The following C1orf185 variants were observed in gnomAD, a reference collection of about 807,000 sequenced individuals.
C1orf185 encodes the protein chromosome 1 open reading frame 185, also known as uncharacterized protein C1orf185.
C1orf185 carries 13 observed loss-of-function variants against 16.1 expected under a neutral mutation model. That is an observed-to-expected ratio of 0.81 (90% CI 0.53 to 1.28). The LOEUF is 1.28. Ranked by LOEUF, C1orf185 falls within the 50% of genes most tolerant of loss-of-function variation. The pLI is 0.00. For missense variants in C1orf185, 220 were observed against 225.2 expected, an observed-to-expected ratio of 0.98 and a Z score of 0.15; for synonymous variants, 80 against 76.9, an observed-to-expected ratio of 1.04 and a Z score of -0.21.
intron 1 of C1orf185, among the ~76,000 whole-genome samples, chr1:51,109,819 T>C (rs1219019150): frequency 6.6e-6 from 1 of 152,222 alleles, no homozygotes; most frequent in Non-Finnish European, 1.5e-5. Context: ...TGAAGTCAGA[T>C]AGTGTGATAC....
At chr1:51,120,807 A>C (rs1435330453) in intron 3 of C1orf185, among the ~76,000 whole-genome samples, 1 of 152,184 alleles carries the variant, frequency 6.6e-6, no homozygotes, top group African/African-American at 2.4e-5. Flanking sequence ...TTATTCATTC[A>C]ACAAATATGT....
chr1:51,106,640 C>A (rs932239859), intron 1 of C1orf185, among the ~76,000 whole-genome samples: 1 of 151,898 alleles, frequency 6.6e-6, no homozygotes, highest in African/African-American at 2.4e-5. Context: ...CAGAGTCAGG[C>A]CTTGCCTCCA....
chr1:51,140,649 C>A (rs527802782), intron 3 of C1orf185, among the ~76,000 whole-genome samples: 2 of 152,200 alleles, frequency 1.3e-5, no homozygotes, highest in African/African-American at 4.8e-5. Flanking sequence ...AATGCAAATT[C>A]TTTGGTAGAC....
At chr1:51,148,873 G>A (rs188362103), downstream of C1orf185, among the ~76,000 whole-genome samples, 22 of 152,328 alleles carry the variant, frequency 1.4e-4, no homozygotes, top group Non-Finnish European at 2.6e-4. Flanking sequence ...GCTGCAATGA[G>A]TTGAGAATAT....
intron 1 of C1orf185, among the ~76,000 whole-genome samples, chr1:51,111,374 C>CTTTTTTTTTTTTTTTTTTTTT (rs11414730): frequency 3.7e-5 from 5 of 133,962 alleles, no homozygotes; most frequent in East Asian, 4.1e-4. Context: ...TTCTTTCTTT[C>CTTTTTTTTTTTTTTTTTTTTT]TTTTTTTTTT....
At chr1:51,118,253 C>A (rs1570298169) in intron 2 of C1orf185, among the ~76,000 whole-genome samples, 1 of 152,144 alleles carries the variant, frequency 6.6e-6, no homozygotes, top group East Asian at 1.9e-4. Flanking sequence ...GATTAAATAC[C>A]AAAATTGACC....
intron 3 of C1orf185, among the ~76,000 whole-genome samples, chr1:51,139,386 G>A (rs1249457541): frequency 5.3e-5 from 8 of 152,132 alleles, no homozygotes; most frequent in Non-Finnish European, 2.9e-5. Flanking sequence ...TTACAGACAT[G>A]AGTTACTGCA....
chr1:51,137,151 G>GA (rs1184300543), intron 3 of C1orf185, among the ~76,000 whole-genome samples: 2 of 151,966 alleles, frequency 1.3e-5, no homozygotes, highest in East Asian at 1.9e-4. Context: ...TGAATCATAT[G>GA]AAAAAAAAGT....
At chr1:51,104,441 G>C (rs1646054840) in intron 1 of C1orf185, among the ~76,000 whole-genome samples, 1 of 152,092 alleles carries the variant, frequency 6.6e-6, no homozygotes, top group Admixed American at 6.5e-5. Flanking sequence ...ACAGGCTGAG[G>C]AAGAAGGACC....
intron 3 of C1orf185, among the ~76,000 whole-genome samples, chr1:51,145,042 C>T (rs1167087469): frequency 1.3e-5 from 2 of 152,258 alleles, no homozygotes; most frequent in African/African-American, 4.8e-5. Context: ...TTAACATGCA[C>T]ATCCGGTAAT....
Position 51,133,093 on chromosome 1 carries a change from G to A in C1orf185, c.259-12631G>A, listed in dbSNP as rs1197068919. 2.0e-5 allele frequency among the ~76,000 whole-genome samples: 3 copies of A among 152,144 alleles called. No individual in the cohort carries two copies. In the East Asian group the frequency reaches 5.8e-4, roughly 29 times the overall value. On this transcript the variant is annotated intron_variant, in intron 3 of 4. Transcript: ENST00000371759. ...ATATGGAAAGGAAAGACCCTTACCA[G>A]CCACTACAAAAACACTGAAGTATAC... is the stretch of plus-strand genomic sequence containing the variant.
intron 3 of C1orf185, among the ~76,000 whole-genome samples, chr1:51,123,178 C>T (rs1404705469): frequency 1.3e-5 from 2 of 152,256 alleles, no homozygotes; most frequent in Non-Finnish European, 2.9e-5. Context: ...TAGTCCCACT[C>T]CTGTGATAAC....
chr1:51,113,860 C>A (rs1344181182), intron 2 of C1orf185, among the ~76,000 whole-genome samples: 1 of 152,194 alleles, frequency 6.6e-6, no homozygotes, highest in Non-Finnish European at 1.5e-5. Context: ...TTCACTTATT[C>A]ATTCTTCCAA....
At chr1:51,116,680 T>C (rs1299755306) in intron 2 of C1orf185, among the ~76,000 whole-genome samples, 2 of 152,144 alleles carry the variant, frequency 1.3e-5, no homozygotes, top group Non-Finnish European at 2.9e-5. Context: ...GGATTAAAGA[T>C]AAAACTTTTA....
At chr1:51,142,836 A>T in intron 3 of C1orf185, among the ~76,000 whole-genome samples, 1 of 152,094 alleles carries the variant, frequency 6.6e-6, no homozygotes, top group East Asian at 1.9e-4. Context: ...GGCATGGTGC[A>T]ATCTTGGCTC....
At chr1:51,143,199 G>C (rs1344132948) in intron 3 of C1orf185, among the ~76,000 whole-genome samples, 1 of 152,170 alleles carries the variant, frequency 6.6e-6, no homozygotes, top group Non-Finnish European at 1.5e-5. Context: ...AAGACACTTT[G>C]AAACCATACG....
chr1:51,117,622 A>C (rs775479017), intron 2 of C1orf185, among the ~76,000 whole-genome samples: 3 of 152,160 alleles, frequency 2.0e-5, no homozygotes, highest in African/African-American at 4.8e-5. Context: ...TGTAGCTTTT[A>C]AGATTGACCT....
At chr1:51,131,909 A>C (rs1646288486) in intron 3 of C1orf185, among the ~76,000 whole-genome samples, 1 of 152,120 alleles carries the variant, frequency 6.6e-6, no homozygotes, top group Non-Finnish European at 1.5e-5. Context: ...CAGCAAAGTG[A>C]ATTCCCAACC....
chr1:51,136,898 A>G (rs927099369), intron 3 of C1orf185, among the ~76,000 whole-genome samples: 15 of 152,228 alleles, frequency 9.9e-5, no homozygotes, highest in African/African-American at 3.6e-4. Flanking sequence ...AAAAGCAAAA[A>G]TTGACAAATG....
Sources: allele counts gnomAD v4.1 joint callset (sites outside exome capture counted in the v4.1 genomes callset), GRCh38; gene constraint gnomAD v4.1.1; transcripts MANE v1.5; gene names NCBI Gene and HGNC (gene_info 2026-07-23, HGNC 2026-07-21).